NPAS3: variants seen among roughly 807,000 people sequenced by gnomAD.
The protein encoded by NPAS3 is neuronal PAS domain-containing protein 3.
NPAS3 carries 14 observed loss-of-function variants against 73.1 expected under a neutral mutation model. The ratio of observed to expected loss-of-function variants is 0.19; its 90% CI spans 0.13 to 0.30. The LOEUF (loss-of-function observed/expected upper bound fraction) is 0.30, where lower values mean the gene tolerates loss of function less well. NPAS3 is among the 10% of genes least tolerant of loss of function. NPAS3 has a pLI of 1.00. For synonymous variants in NPAS3, 620 were observed against 541.5 expected, an observed-to-expected ratio of 1.14 and a Z score of -2.01; for missense variants, 1,096 against 1,250.0, an observed-to-expected ratio of 0.88 and a Z score of 1.86.
At chr14:32,986,328 G>T (rs1421734888) in intron 1 of NPAS3, among the ~76,000 whole-genome samples, 2 of 152,198 alleles carry the variant, frequency 1.3e-5, no homozygotes, top group African/African-American at 4.8e-5. Context: ...AGAAAGGGAA[G>T]TATAGTCTCT....
At chr14:33,087,159 A>T (rs889182352) in intron 2 of NPAS3, among the ~76,000 whole-genome samples, 1 of 101,314 alleles carries the variant, frequency 9.9e-6, no homozygotes, top group African/African-American at 4.9e-5. Context: ...TATACAATAT[A>T]ATATTGTATA....
In NPAS3 at chr14:33,119,813, A is replaced by C. The variant is rs534962437; in HGVS notation, c.140+63819A>C. 7.2e-4 allele frequency among the ~76,000 whole-genome samples: 110 copies of C among 152,252 alleles called. No homozygotes were observed. The Middle Eastern group carries it at 0.014, about 19-fold the overall frequency. On this transcript the variant is annotated intron_variant, in intron 2 of 11. Coordinates refer to ENST00000356141, the Ensembl canonical transcript of NPAS3. ...TGTTGACTGTTTCAGAGAACTATAGAGATGTCATCCTTACGGATGGTTCTG... is the reference window on the plus strand; with the variant it reads ...TGTTGACTGTTTCAGAGAACTATAGCGATGTCATCCTTACGGATGGTTCTG...
intron 5 of NPAS3, among the ~76,000 whole-genome samples, chr14:33,580,372 C>T (rs1247804254): frequency 6.6e-6 from 1 of 152,078 alleles, no homozygotes; most frequent in Middle Eastern, 3.2e-3. Flanking sequence ...GAACCTAATC[C>T]CATGCTTAAT....
At chr14:33,752,848 C>T (rs1388793956) in intron 7 of NPAS3, among the ~76,000 whole-genome samples, 7 of 151,894 alleles carry the variant, frequency 4.6e-5, no homozygotes, top group African/African-American at 2.4e-5. Flanking sequence ...TTCAATGTTT[C>T]GCGCTCAAGT....
At chr14:33,702,245 A>T (rs1408846446) in intron 6 of NPAS3, among the ~76,000 whole-genome samples, 1 of 152,194 alleles carries the variant, frequency 6.6e-6, no homozygotes, top group East Asian at 1.9e-4. Flanking sequence ...TGTCCCTTGG[A>T]CAGAATTATC....
chr14:33,692,836 T>TAAA (rs34684535), intron 6 of NPAS3, among the ~76,000 whole-genome samples: 4,128 of 64,008 alleles, frequency 0.064, 487 homozygotes, highest in Non-Finnish European at 0.093. Context: ...CCCAATGTCT[T>TAAA]AAAAAAAAAA....
intron 7 of NPAS3, among the ~76,000 whole-genome samples, chr14:33,741,042 G>A (rs1196315545): frequency 1.3e-5 from 2 of 152,106 alleles, no homozygotes; most frequent in African/African-American, 4.8e-5. Flanking sequence ...AATGTAGGGA[G>A]CAATGTGGTA....
chr14:33,476,813 C>T (rs2139667056), intron 4 of NPAS3, among the ~76,000 whole-genome samples: 1 of 152,202 alleles, frequency 6.6e-6, no homozygotes, highest in Admixed American at 6.5e-5. Context: ...TGGTAGTTTG[C>T]CTGCTGTGCC....
chr14:33,315,943 T>C (rs1159861816), intron 3 of NPAS3, among the ~76,000 whole-genome samples: 1 of 152,080 alleles, frequency 6.6e-6, no homozygotes, highest in South Asian at 2.1e-4. Flanking sequence ...AGGATCCTAG[T>C]TGGTGACAGT....
intron 2 of NPAS3, among the ~76,000 whole-genome samples, chr14:33,165,691 A>G (rs1373511460): frequency 6.6e-6 from 1 of 152,070 alleles, no homozygotes; most frequent in African/African-American, 2.4e-5. Context: ...CTTAGTTTAA[A>G]ACTTACTTCC....
At chr14:32,938,483 A>AGAG (rs2035782455), upstream of NPAS3, among the ~76,000 whole-genome samples, 2 of 19,476 alleles carry the variant, frequency 1.0e-4, no homozygotes, top group African/African-American at 7.0e-4. Context: ...GAGAGAGAGA[A>AGAG]ATTGAGAGAG....
chr14:33,377,017 T>TA (rs1407116407), intron 4 of NPAS3, among the ~76,000 whole-genome samples: 10 of 152,296 alleles, frequency 6.6e-5, no homozygotes, highest in African/African-American at 2.2e-4. Flanking sequence ...TTCAGGAATA[T>TA]AAGAACATTA....
At chr14:33,006,992 T>G (rs1352988759) in intron 1 of NPAS3, among the ~76,000 whole-genome samples, 1 of 152,198 alleles carries the variant, frequency 6.6e-6, no homozygotes, top group Non-Finnish European at 1.5e-5. Context: ...TTATTGTACA[T>G]GAGCATAGAG....
chr14:33,227,763 A>G (rs2047688839), intron 3 of NPAS3, among the ~76,000 whole-genome samples: 1 of 152,234 alleles, frequency 6.6e-6, no homozygotes, highest in Non-Finnish European at 1.5e-5. Context: ...CATTCAGTTC[A>G]TAACACAAGG....
chr14:33,586,919 G>A (rs2056881836), intron 5 of NPAS3, among the ~76,000 whole-genome samples: 1 of 152,086 alleles, frequency 6.6e-6, no homozygotes, highest in Non-Finnish European at 1.5e-5. Flanking sequence ...ATAGAGTTTG[G>A]GGGAGCACTG....
At chr14:33,441,571 C>T (rs56681315) in intron 4 of NPAS3, among the ~76,000 whole-genome samples, 21,074 of 152,132 alleles carry the variant, frequency 0.14, 1,747 homozygotes, top group East Asian at 0.43. Flanking sequence ...TTGTACTATT[C>T]GCATTTTAAA....
chr14:33,189,354 T>A (rs2046088770), intron 2 of NPAS3, among the ~76,000 whole-genome samples: 1 of 152,140 alleles, frequency 6.6e-6, no homozygotes, highest in South Asian at 2.1e-4. Context: ...ACGCTATAGG[T>A]GAGAGGTTCA....
At chr14:33,631,203 A>T (rs929132115) in intron 5 of NPAS3, among the ~76,000 whole-genome samples, 1 of 152,216 alleles carries the variant, frequency 6.6e-6, no homozygotes, top group Non-Finnish European at 1.5e-5. Flanking sequence ...CAAACTAATG[A>T]TCTCCACTGC....
At chr14:33,301,328 T>G (rs930862328) in intron 3 of NPAS3, among the ~76,000 whole-genome samples, 1 of 80,578 alleles carries the variant, frequency 1.2e-5, no homozygotes, top group Admixed American at 1.2e-4. Flanking sequence ...ATATATTTTT[T>G]TTTTTTAAAT....
Sources: allele counts gnomAD v4.1 joint callset (sites outside exome capture counted in the v4.1 genomes callset), GRCh38; gene constraint gnomAD v4.1.1; transcripts MANE v1.5; gene names NCBI Gene and HGNC (gene_info 2026-07-23, HGNC 2026-07-21).